The following SH3KBP1 variants were observed in gnomAD, a reference collection of about 807,000 sequenced individuals.
The protein encoded by SH3KBP1 is SH3 domain containing kinase binding protein 1.
In SH3KBP1, 8 loss-of-function variants were observed where a neutral mutation model predicts 50.1. The observed-to-expected ratio is 0.16, with a 90% confidence interval of 0.09 to 0.29. The LOEUF (loss-of-function observed/expected upper bound fraction) is 0.29, where lower values mean the gene tolerates loss of function less well. Among genes scored for constraint, SH3KBP1 ranks in the 10% least tolerant of loss-of-function variants. SH3KBP1 has a pLI of 1.00. For synonymous variants in SH3KBP1, 227 were observed against 218.6 expected (o/e 1.04, Z -0.34); for missense variants, 377 against 535.2 (o/e 0.70, Z 2.92).
intron 16 of SH3KBP1, among the ~76,000 whole-genome samples, chrX:19,539,702 G>C (rs2064826807): frequency 8.9e-6 from 1 of 111,931 alleles, no homozygotes; most frequent in African/African-American, 3.3e-5. Context: ...CAGCTTATTT[G>C]GGGATAAGGA....
At chrX:19,830,629 G>C (rs763656830) in intron 2 of SH3KBP1, among the ~76,000 whole-genome samples, 6 of 108,710 alleles carry the variant, frequency 5.5e-5, no homozygotes, top group Non-Finnish European at 1.1e-4. Context: ...AGGTGTGGTG[G>C]CTCACACCTG....
At chrX:19,602,918 G>A (rs955910994) in intron 9 of SH3KBP1, among the ~76,000 whole-genome samples, 2 of 111,718 alleles carry the variant, frequency 1.8e-5, no homozygotes, top group African/African-American at 6.5e-5. Flanking sequence ...TGGGAATCGA[G>A]CAAGAGACTT....
intron 8 of SH3KBP1, among the ~76,000 whole-genome samples, chrX:19,623,276 A>G (rs1306530696): frequency 8.9e-6 from 1 of 112,033 alleles, no homozygotes; most frequent in African/African-American, 3.2e-5. Context: ...ATTAAGAGGT[A>G]TGTGAAGGTG....
At chrX:19,836,413 C>A in intron 1 of SH3KBP1, 131 bp from the exon 2 acceptor site, 3 of 593,027 alleles carry the variant, frequency 5.1e-6, no homozygotes, top group Non-Finnish European at 5.3e-6. Flanking sequence ...ATAACAGGGC[C>A]ACACACAGTA....
At chrX:19,682,840 G>C (rs1432219096) in intron 6 of SH3KBP1, among the ~76,000 whole-genome samples, 1 of 105,756 alleles carries the variant, frequency 9.5e-6, no homozygotes, top group Non-Finnish European at 1.9e-5. Flanking sequence ...CGGGTGGAGG[G>C]GTGGATGTCC....
At chrX:19,882,070 G>C (rs915376038) in intron 1 of SH3KBP1, among the ~76,000 whole-genome samples, 1 of 110,588 alleles carries the variant, frequency 9.0e-6, no homozygotes, top group Non-Finnish European at 1.9e-5. Context: ...GAAGAGGAAA[G>C]GTGAATGCAA....
chrX:19,670,346 C>T (rs897260711), intron 6 of SH3KBP1: 14 of 751,633 alleles, frequency 1.9e-5, no homozygotes, highest in African/African-American at 2.3e-5. Context: ...CTCCAAATGT[C>T]GGTGACCCTC....
At chrX:19,883,331 G>T (rs900578391) in intron 1 of SH3KBP1, among the ~76,000 whole-genome samples, 1 of 112,512 alleles carries the variant, frequency 8.9e-6, no homozygotes, top group South Asian at 3.6e-4. Flanking sequence ...CTATTTTCCT[G>T]TTCTGCGTCT....
intron 2 of SH3KBP1, among the ~76,000 whole-genome samples, chrX:19,821,188 T>G (rs2067513739): frequency 8.9e-6 from 1 of 111,851 alleles, no homozygotes; most frequent in Non-Finnish European, 1.9e-5. Flanking sequence ...GCCAGGAGTT[T>G]GACACCAGCC....
chrX:19,666,817 G>A (rs1257630460), intron 6 of SH3KBP1, among the ~76,000 whole-genome samples: 3 of 111,579 alleles, frequency 2.7e-5, no homozygotes, highest in Non-Finnish European at 5.7e-5. Context: ...AATCGGAGTT[G>A]CCCTATGATC....
chrX:19,567,317 G>A (rs918052963), intron 13 of SH3KBP1, among the ~76,000 whole-genome samples: 2 of 105,334 alleles, frequency 1.9e-5, no homozygotes, highest in African/African-American at 7.0e-5. Context: ...CTAGGAGTTC[G>A]AGACTAGCCT....
intron 2 of SH3KBP1, among the ~76,000 whole-genome samples, chrX:19,766,813 G>T (rs1205613747): frequency 1.8e-5 from 2 of 110,881 alleles, no homozygotes; most frequent in Non-Finnish European, 3.8e-5. Context: ...TTGATGTACG[G>T]AAGTTTTACA....
At chrX:19,878,716 A>C (rs1308545414) in intron 1 of SH3KBP1, among the ~76,000 whole-genome samples, 1 of 110,455 alleles carries the variant, frequency 9.1e-6, no homozygotes, top group Non-Finnish European at 1.9e-5. Context: ...TTCAAGTTAG[A>C]AACTTACTAG....
chrX:19,630,003 T>C (rs1322211447), intron 8 of SH3KBP1, among the ~76,000 whole-genome samples: 1 of 112,110 alleles, frequency 8.9e-6, no homozygotes, highest in African/African-American at 3.2e-5. Flanking sequence ...TTTATCAGAC[T>C]GGATCTCAGG....
chrX:19,753,537 G>A (rs773937930), intron 2 of SH3KBP1, among the ~76,000 whole-genome samples: 3 of 108,290 alleles, frequency 2.8e-5, no homozygotes, highest in South Asian at 8.6e-4. Flanking sequence ...CAGCTGCCCC[G>A]TGAGTATGTT....
At chrX:19,620,714 C>T (rs886673865) in intron 8 of SH3KBP1, among the ~76,000 whole-genome samples, 2 of 111,991 alleles carry the variant, frequency 1.8e-5, no homozygotes, top group Non-Finnish European at 3.8e-5. Flanking sequence ...AACCAAGGTC[C>T]TTCAAATCCA....
chrX:19,559,296 A>AAAG (rs2065593939), intron 13 of SH3KBP1, among the ~76,000 whole-genome samples: 1 of 103,630 alleles, frequency 9.6e-6, no homozygotes, highest in Non-Finnish European at 2.0e-5. Context: ...AAAAAAAAAA[A>AAAG]AAAGTAGATT....
chrX:19,546,263 A>T (rs1012414044), intron 14 of SH3KBP1, among the ~76,000 whole-genome samples: 1 of 112,377 alleles, frequency 8.9e-6, no homozygotes, highest in Non-Finnish European at 1.9e-5. Context: ...AAGGTTTCCT[A>T]AACCAGGGAT....
intron 2 of SH3KBP1, among the ~76,000 whole-genome samples, chrX:19,761,864 T>C (rs773408692): frequency 8.9e-6 from 1 of 112,640 alleles, no homozygotes; most frequent in Non-Finnish European, 1.9e-5. Flanking sequence ...AGGACACAAA[T>C]GGACTCTTAC....
Sources: gnomAD v4.1 joint callset for allele counts (sites outside exome capture counted in the v4.1 genomes callset) on GRCh38, gnomAD v4.1.1 for gene constraint, MANE v1.5 for transcripts, NCBI Gene and HGNC (gene_info 2026-07-23, HGNC 2026-07-21) for gene names.